Variants in CD58 observed in about 807,000 individuals in gnomAD.
CD58 encodes CD58 molecule.
CD58 carries 14 observed loss-of-function variants against 27.6 expected under a neutral mutation model. The observed-to-expected ratio is 0.51, with a 90% CI of 0.34 to 0.79. CD58 has a LOEUF of 0.79. Among genes scored for constraint, CD58 ranks in the 30% least tolerant of loss-of-function variants. CD58 has a pLI of 0.02. For synonymous variants in CD58, 117 were observed against 103.8 expected, an observed-to-expected ratio of 1.13 and a Z score of -0.77; for missense variants, 268 against 301.7, an observed-to-expected ratio of 0.89 and a Z score of 0.83.
chr1:116,564,450 T>C (rs972290040), intron 1 of CD58, among the ~76,000 whole-genome samples: 1 of 152,246 alleles, frequency 6.6e-6, no homozygotes, highest in East Asian at 1.9e-4. Context: ...CAATTTACTA[T>C]ATTAGTCCAT....
At chr1:116,564,593 T>C (rs1007538612) in intron 1 of CD58, among the ~76,000 whole-genome samples, 4 of 152,198 alleles carry the variant, frequency 2.6e-5, no homozygotes, top group Non-Finnish European at 5.9e-5. Flanking sequence ...GTAAGGCACA[T>C]CTTACATGGC....
chr1:116,521,404 T>A lies in CD58; in HGVS notation c.706+502A>T, dbSNP rs1265308684. Among the ~76,000 whole-genome samples, 2 of 152,196 alleles carry A rather than the reference T, an allele frequency of 1.3e-5. No homozygotes were observed. The highest frequency in any genetic ancestry group is 4.8e-5 in the African/African-American group (2 of 41,454). The stretch of plus-strand genomic sequence containing the variant: ...AACAAATTCTCCAAGTCATCAGTTC[T>A]CCAAGCTGTATGACTGCCCAAGATT... On this transcript the variant is annotated intron_variant, in intron 4 of 5. Transcript: ENST00000369489. The surrounding 1 kb of genome is among the most constrained non-coding windows in gnomAD (Gnocchi z 5.6).
intron 1 of CD58, among the ~76,000 whole-genome samples, chr1:116,556,901 C>T (rs1658586299): frequency 6.6e-6 from 1 of 152,178 alleles, no homozygotes; most frequent in Non-Finnish European, 1.5e-5. Flanking sequence ...CATGTGGAAA[C>T]AGAGGCCCAC....
chr1:116,524,571 T>G lies in CD58; in HGVS notation c.629-2588A>C, dbSNP rs1219995457. ...GTTCAAATTAATACCTTTAAATAAA[T>G]CCAGGGCTACAATGTTTACTTAACC... On this transcript the variant is annotated intron_variant, in intron 3 of 5. Coordinates refer to ENST00000369489, the MANE Select transcript of CD58 (RefSeq NM_001779.3). The surrounding 1 kb of genome is among the most constrained non-coding windows in gnomAD (Gnocchi z 4.6). 6.6e-6 allele frequency among the ~76,000 whole-genome samples: 1 copy of G among 152,202 alleles called. No homozygotes were observed. The highest frequency in any genetic ancestry group is 1.5e-5 in the Non-Finnish European group (1 of 68,034).
At chr1:116,566,159 G>GA (rs1357358849) in intron 1 of CD58, among the ~76,000 whole-genome samples, 1 of 152,214 alleles carries the variant, frequency 6.6e-6, no homozygotes, top group Non-Finnish European at 1.5e-5. Context: ...AGACTGTAAT[G>GA]AAAAATAAAA....
At chr1:116,568,687 G>A (rs767608955) in intron 1 of CD58, among the ~76,000 whole-genome samples, 15 of 152,230 alleles carry the variant, frequency 9.9e-5, no homozygotes, top group Admixed American at 6.5e-5. Context: ...TTTATTGCAT[G>A]ACTGATGTTC....
At chr1:116,514,955 G>T in intron 5 of CD58, 133 bp from the exon 6 acceptor site, 1 of 606,046 alleles carries the variant, frequency 1.7e-6, no homozygotes, top group Non-Finnish European at 2.9e-6. Context: ...AAGGGAGCTA[G>T]GGAGCAGGGA....
At chr1:116,547,395 G>A (rs1401223504) in intron 1 of CD58, among the ~76,000 whole-genome samples, 16 of 149,620 alleles carry the variant, frequency 1.1e-4, no homozygotes, top group South Asian at 2.1e-4. Context: ...GCGTGATCTC[G>A]GCTCACTAAA....
In CD58 at chr1:116,519,366, T is replaced by C. The variant is rs1657193217; in HGVS notation, c.707-99A>G. ...TATTAGAGGCCTAAATATGGAAAAC[T>C]AAGCCAGAGCCCCATCACCCTGGGA... On this transcript the variant is annotated intron_variant, in intron 4 of 5. Coordinates refer to ENST00000369489, the MANE Select transcript of CD58 (RefSeq NM_001779.3). The surrounding 1 kb of genome is among the most constrained non-coding windows in gnomAD (Gnocchi z 4.7). The C allele has an allele frequency of 9.6e-7, 1 of 1,041,748 alleles. No homozygotes were observed. Among genetic ancestry groups the C allele is most frequent in the South Asian group, 1.3e-5 (1 of 74,146 alleles). The allele number at this position is 1,041,748 out of a possible 1,614,324, so 64.5% of individuals were successfully genotyped here. A position where few individuals can be genotyped will look rare whatever the true frequency, so the allele number is the denominator to read the frequency against.
intron 1 of CD58, among the ~76,000 whole-genome samples, chr1:116,549,317 C>A (rs919580892): frequency 1.3e-5 from 2 of 152,158 alleles, no homozygotes; most frequent in African/African-American, 4.8e-5. Context: ...TTAGGGAAGG[C>A]AGTTCCCTTC....
At chr1:116,561,633 T>C (rs554104823) in intron 1 of CD58, among the ~76,000 whole-genome samples, 1 of 152,324 alleles carries the variant, frequency 6.6e-6, no homozygotes, top group South Asian at 2.1e-4. Context: ...GGACAATGTA[T>C]ACATGTTGGA....
intron 1 of CD58, among the ~76,000 whole-genome samples, chr1:116,547,376 A>C (rs1184733333): frequency 6.9e-6 from 1 of 144,832 alleles, no homozygotes; most frequent in East Asian, 2.0e-4. Flanking sequence ...CCCAGGCTGG[A>C]GTGCAGTGGC....
rs1275341515 is a variant in CD58, at chr1:116,570,863, C to T, written c.70+40G>A. 6.6e-7 allele frequency: 1 copy of T among 1,509,912 alleles called. No homozygotes were observed. Among genetic ancestry groups the T allele is most frequent in the Non-Finnish European group, 8.9e-7 (1 of 1,125,758 alleles). 93.5% of individuals were successfully genotyped at this position (1,509,912 alleles called of 1,614,324 possible). A position where few individuals can be genotyped will look rare whatever the true frequency, so the allele number is the denominator to read the frequency against. ...CCCAGCCTGGGTGCTGCCCAGTACC[C>T]GCCGGCCGGCGCGGGGCCCCTGGGG... On this transcript the variant is annotated intron_variant, in intron 1 of 5. Coordinates refer to ENST00000369489, the MANE Select transcript of CD58 (RefSeq NM_001779.3). This position sits in a 1 kb window ranked among gnomAD's most constrained non-coding sequence, Gnocchi z 6.4.
chr1:116,540,311 G>T (rs1397696514), intron 2 of CD58, among the ~76,000 whole-genome samples: 1 of 150,090 alleles, frequency 6.7e-6, no homozygotes, highest in Non-Finnish European at 1.5e-5. Flanking sequence ...TAAAACAAGT[G>T]TTAACATTAC....
rs1444831063 is a variant in CD58, at chr1:116,559,040, A to T, written c.70+11863T>A. The stretch of plus-strand genomic sequence containing the variant: ...GGAGGGAAGAACATAATAAATGAAA[A>T]AGTAAATATCTTTTATTTGGATGAT... On this transcript the variant is annotated intron_variant, in intron 1 of 5. Transcript: ENST00000369489. The surrounding 1 kb of genome is among the most constrained non-coding windows in gnomAD (Gnocchi z 4.4). Among the ~76,000 whole-genome samples, 1 of 152,216 alleles carries T rather than the reference A, an allele frequency of 6.6e-6. No individual in the cohort carries two copies. Among genetic ancestry groups the T allele is most frequent in the Non-Finnish European group, 1.5e-5 (1 of 68,052 alleles).
intron 1 of CD58, among the ~76,000 whole-genome samples, chr1:116,567,249 G>A (rs1658970999): frequency 8.4e-6 from 1 of 118,622 alleles, no homozygotes; most frequent in African/African-American, 3.1e-5. Flanking sequence ...GAGGGGAGGG[G>A]AGGGAGGGAG....
Position 116,528,770 on chromosome 1 carries a change from C to G in CD58, c.629-6787G>C, listed in dbSNP as rs1309372398. ...AAAGGTACTCAGATTTTATTTTCCT[C>G]TTTCACAGCCAAATATATAACTGGC... On this transcript the variant is annotated intron_variant, in intron 3 of 5. Coordinates refer to ENST00000369489, the MANE Select transcript of CD58 (RefSeq NM_001779.3). This position sits in a 1 kb window ranked among gnomAD's most constrained non-coding sequence, Gnocchi z 4.4. Among the ~76,000 whole-genome samples, 1 of 152,202 alleles carries G rather than the reference C, an allele frequency of 6.6e-6. No individual in the cohort carries two copies. Among genetic ancestry groups the G allele is most frequent in the Non-Finnish European group, 1.5e-5 (1 of 68,032 alleles).
At position 116,515,270 on chromosome 1, in the gene CD58, G is replaced by C. The variant is rs1657038573; in HGVS notation, c.744-448C>G. On this transcript the variant is annotated intron_variant, in intron 5 of 5. Transcript: ENST00000369489. The surrounding 1 kb of genome is among the most constrained non-coding windows in gnomAD (Gnocchi z 4.6). ...GACAGAACAATCTCTGGCTGTCTTG[G>C]AGTAAATCAGCCGAAAAACAAAACC... 6.6e-6 allele frequency among the ~76,000 whole-genome samples: 1 copy of C among 152,192 alleles called. No individual in the cohort carries two copies. The highest frequency in any genetic ancestry group is 2.1e-4 in the South Asian group (1 of 4,834).
intron 1 of CD58, among the ~76,000 whole-genome samples, chr1:116,565,046 C>A (rs1391718873): frequency 6.6e-6 from 1 of 152,210 alleles, no homozygotes; most frequent in Non-Finnish European, 1.5e-5. Flanking sequence ...ATATCTCCCA[C>A]CCCCAGTGAT....
Sources: gnomAD v4.1 joint callset for allele counts (sites outside exome capture counted in the v4.1 genomes callset) on GRCh38, gnomAD v4.1.1 for gene constraint, Gnocchi (gnomAD v3.1) non-coding constraint, MANE v1.5 for transcripts, NCBI Gene and HGNC (gene_info 2026-07-23, HGNC 2026-07-21) for gene names.